The following PEX14 variants were observed in gnomAD, a reference collection of about 807,000 sequenced individuals.
PEX14 encodes the protein peroxisomal membrane protein PEX14.
A neutral mutation model predicts 49.5 loss-of-function variants in PEX14; 15 were observed. The ratio of observed to expected loss-of-function variants is 0.30; its 90% CI spans 0.20 to 0.47. The LOEUF (loss-of-function observed/expected upper bound fraction) is 0.47, where lower values mean the gene tolerates loss of function less well. PEX14 is among the 20% of genes least tolerant of loss of function. PEX14 has a pLI of 1.00. For synonymous variants in PEX14, 210 were observed against 212.7 expected, an observed-to-expected ratio of 0.99 and a Z score of 0.11; for missense variants, 398 against 494.8, an observed-to-expected ratio of 0.80 and a Z score of 1.86.
chr1:10,597,455 CTGT>C lies in PEX14; in HGVS notation c.170-1777_170-1775del, dbSNP rs536605733. 7.0e-3 allele frequency among the ~76,000 whole-genome samples: 1,066 copies of C among 152,302 alleles called. 9 individuals are homozygous for C. The highest frequency in any genetic ancestry group is 0.011 in the Non-Finnish European group (755 of 68,018). On this transcript the variant is annotated intron_variant, in intron 3 of 8. Coordinates refer to ENST00000356607, the MANE Select transcript of PEX14 (RefSeq NM_004565.3). This position sits in a 1 kb window ranked among gnomAD's most constrained non-coding sequence, Gnocchi z 5.7. ...CACAAACTCAGGGCGGGGGTATTCT[CTGT>C]TGTTGCCTGGCTTGCCTGTTGGTCC...
Position 10,543,451 on chromosome 1 carries a change from G to A in PEX14, c.169+7154G>A, listed in dbSNP as rs1557836045. On this transcript the variant is annotated intron_variant, in intron 3 of 8. Transcript: ENST00000356607. ...TCCCGGCCTGCTCAGTTTTGACCTA[G>A]CCATTGAGGGAGGCAGTGGGCACAG... Among the ~76,000 whole-genome samples the A allele has an allele frequency of 2.0e-5, 3 of 152,210 alleles. No homozygotes were observed. In the South Asian group the frequency reaches 6.2e-4, roughly 32 times the overall value.
At position 10,623,265 on chromosome 1, in the gene PEX14, A is replaced by AGCC; in HGVS notation, c.487+149_487+151dup. On this transcript the variant is annotated intron_variant, in intron 6 of 8. Transcript: ENST00000356607. The surrounding 1 kb of genome is among the most constrained non-coding windows in gnomAD (Gnocchi z 4.4). ...AGAATCTGTTCACATTTGCAAATGA[A>AGCC]GCCGCCGTCATTTCGGTTTAATTTG... The AGCC allele has an allele frequency of 1.5e-6, 1 of 675,670 alleles. No individual in the cohort carries two copies. Among genetic ancestry groups the AGCC allele is most frequent in the Non-Finnish European group, 2.7e-6 (1 of 365,252 alleles). 41.9% of individuals were successfully genotyped at this position (675,670 alleles called of 1,614,324 possible).
chr1:10,506,913 T>A (rs1641792842), intron 2 of PEX14, among the ~76,000 whole-genome samples: 1 of 152,230 alleles, frequency 6.6e-6, no homozygotes, highest in Non-Finnish European at 1.5e-5. Flanking sequence ...ACTGAATGTT[T>A]ATAGGTTTTC....
chr1:10,627,436 G>T, intron 8 of PEX14, 73 bp downstream of exon 8: 5 of 1,062,166 alleles, frequency 4.7e-6, no homozygotes, highest in African/African-American at 1.6e-5. Context: ...GGGCATGGGA[G>T]GGGCATGACG....
At chr1:10,544,676 C>G (rs1397925110) in intron 3 of PEX14, among the ~76,000 whole-genome samples, 2 of 152,164 alleles carry the variant, frequency 1.3e-5, no homozygotes, top group Non-Finnish European at 2.9e-5. Flanking sequence ...CCTTGGTAAT[C>G]CCTTCCTCCT....
chr1:10,557,354 G>A (rs1639517140), intron 3 of PEX14, among the ~76,000 whole-genome samples: 1 of 152,226 alleles, frequency 6.6e-6, no homozygotes, highest in South Asian at 2.1e-4. Context: ...GGGAGGCCGA[G>A]GTGGGCGGAT....
chr1:10,623,144 A>G lies in PEX14; in HGVS notation c.487+23A>G. 1 of 1,526,724 alleles carries G rather than the reference A, an allele frequency of 6.5e-7. No homozygotes were observed. The highest frequency in any genetic ancestry group is 9.1e-7 in the Non-Finnish European group (1 of 1,103,042). 94.6% of individuals were successfully genotyped at this position (1,526,724 alleles called of 1,614,324 possible). A position where few individuals can be genotyped will look rare whatever the true frequency, so the allele number is the denominator to read the frequency against. Reference sequence around the variant, plus strand: ...CAGGTAAAGATTAATGACTCCATCAAGTCACCCCTCACAGCCTTCTCCAAG... The same window carrying G: ...CAGGTAAAGATTAATGACTCCATCAGGTCACCCCTCACAGCCTTCTCCAAG... On this transcript the variant is annotated intron_variant, in intron 6 of 8. Coordinates refer to ENST00000356607, the MANE Select transcript of PEX14 (RefSeq NM_004565.3). The surrounding 1 kb of genome is among the most constrained non-coding windows in gnomAD (Gnocchi z 4.4).
intron 3 of PEX14, among the ~76,000 whole-genome samples, chr1:10,564,595 C>CTTTTT (rs58926587): frequency 1.9e-5 from 2 of 107,142 alleles, no homozygotes; most frequent in African/African-American, 6.4e-5. Context: ...CTTTTTCTTT[C>CTTTTT]TTTTTTTTTT....
intron 2 of PEX14, among the ~76,000 whole-genome samples, chr1:10,498,278 T>C (rs1641605074): frequency 8.1e-6 from 1 of 122,808 alleles, no homozygotes; most frequent in African/African-American, 2.9e-5. Context: ...AGGCCCTGTC[T>C]CTAAAACAAA....
chr1:10,479,111 T>C (rs1373631566), intron 1 of PEX14, among the ~76,000 whole-genome samples: 1 of 151,910 alleles, frequency 6.6e-6, no homozygotes, highest in African/African-American at 2.4e-5. Flanking sequence ...GCGTGATGGC[T>C]CATACCTGTA....
intron 8 of PEX14, among the ~76,000 whole-genome samples, chr1:10,627,724 A>G (rs1345388647): frequency 2.0e-5 from 3 of 152,154 alleles, no homozygotes; most frequent in Non-Finnish European, 4.4e-5. Context: ...GCTTTGTCCC[A>G]GGGAAAGCCC....
intron 2 of PEX14, among the ~76,000 whole-genome samples, chr1:10,506,233 A>T (rs1641780428): frequency 6.6e-6 from 1 of 152,148 alleles, no homozygotes; most frequent in South Asian, 2.1e-4. Context: ...CAACAGGTGA[A>T]CTAAGAGTGT....
chr1:10,615,309 T>C (rs1368273683), intron 4 of PEX14, among the ~76,000 whole-genome samples: 1 of 152,182 alleles, frequency 6.6e-6, no homozygotes, highest in Non-Finnish European at 1.5e-5. Context: ...ATATCCCTGC[T>C]ATATAAAAAG....
intron 2 of PEX14, among the ~76,000 whole-genome samples, chr1:10,520,890 A>G (rs1171844312): frequency 6.6e-6 from 1 of 152,124 alleles, no homozygotes; most frequent in Non-Finnish European, 1.5e-5. Context: ...TGGACTTGCT[A>G]ATGATTTCTC....
rs937525478 is a variant in PEX14, at chr1:10,514,970, A to T, written c.84+19649A>T. Among the ~76,000 whole-genome samples, 1 of 152,124 alleles carries T rather than the reference A, an allele frequency of 6.6e-6. No individual in the cohort carries two copies. The highest frequency in any genetic ancestry group is 1.5e-5 in the Non-Finnish European group (1 of 68,026). ...GGAGGGAGAAAATCTCCTTGGGCAAATGCTTGCCACTCCCCTGCCGCCTGC... is the reference window on the plus strand; with the variant it reads ...GGAGGGAGAAAATCTCCTTGGGCAATTGCTTGCCACTCCCCTGCCGCCTGC... On this transcript the variant is annotated intron_variant, in intron 2 of 8. Transcript: ENST00000356607. The surrounding 1 kb of genome is among the most constrained non-coding windows in gnomAD (Gnocchi z 4.4).
intron 2 of PEX14, among the ~76,000 whole-genome samples, chr1:10,502,796 CTTTT>C (rs34497048): frequency 1.3e-4 from 17 of 132,946 alleles, no homozygotes; most frequent in Admixed American, 3.8e-4. Context: ...TTTTCTTTTT[CTTTT>C]TTTTTTTTTT....
At chr1:10,542,188 T>C (rs1012362629) in intron 3 of PEX14, among the ~76,000 whole-genome samples, 4 of 152,172 alleles carry the variant, frequency 2.6e-5, no homozygotes, top group Admixed American at 2.6e-4. Context: ...CTCTTCTCAT[T>C]CTCTCATTCC....
Position 10,495,569 on chromosome 1 carries a change from T to TTG in PEX14, c.84+250_84+251dup, listed in dbSNP as rs1350723374. On this transcript the variant is annotated intron_variant, in intron 2 of 8. Transcript: ENST00000356607. The surrounding 1 kb of genome is among the most constrained non-coding windows in gnomAD (Gnocchi z 4.2). ...CCACCCCAGATGGTCCTGCACCACT[T>TTG]TGTTTGTGGCTGATCAATAGTAATT... is the stretch of plus-strand genomic sequence containing the variant. Among the ~76,000 whole-genome samples, 3 of 152,110 alleles carry TTG rather than the reference T, an allele frequency of 2.0e-5. No homozygotes were observed. Among genetic ancestry groups the TTG allele is most frequent in the Non-Finnish European group, 4.4e-5 (3 of 68,018 alleles).
At chr1:10,564,994 C>A (rs1301935832) in intron 3 of PEX14, among the ~76,000 whole-genome samples, 4 of 149,764 alleles carry the variant, frequency 2.7e-5, no homozygotes, top group Non-Finnish European at 3.0e-5. Flanking sequence ...ACCTCTGCCT[C>A]CCAGGTTCAA....
Sources: allele counts gnomAD v4.1 joint callset (sites outside exome capture counted in the v4.1 genomes callset), GRCh38; gene constraint gnomAD v4.1.1; non-coding constraint Gnocchi (gnomAD v3.1); transcripts MANE v1.5; gene names NCBI Gene and HGNC (gene_info 2026-07-23, HGNC 2026-07-21).